AAGAB: variants seen among roughly 807,000 people sequenced by gnomAD.
The protein encoded by AAGAB is alpha and gamma adaptin binding protein, also known as alpha- and gamma-adaptin-binding protein p34.
Under a neutral mutation model 44.1 loss-of-function variants are expected in AAGAB, and 38 were observed. That is an observed-to-expected ratio of 0.86 (90% CI 0.67 to 1.13). The LOEUF (loss-of-function observed/expected upper bound fraction) is 1.13, where lower values mean the gene tolerates loss of function less well. AAGAB is among the 50% of genes most tolerant of loss of function. The pLI is 0.00. For synonymous variants in AAGAB, 131 were observed against 131.8 expected (o/e 0.99, Z 0.04); for missense variants, 450 against 373.8 (o/e 1.20, Z -1.68).
chr15:67,214,387 T>C (rs1237458030), intron 5 of AAGAB, among the ~76,000 whole-genome samples: 2 of 152,218 alleles, frequency 1.3e-5, no homozygotes, highest in Admixed American at 1.3e-4. Flanking sequence ...CATTATCTCT[T>C]CACTGTTCCT....
At position 67,202,291 on chromosome 15, in the gene AAGAB, A is replaced by G. The variant is rs180974059; in HGVS notation, c.*530T>C. 3 of 153,450 alleles carry G rather than the reference A, an allele frequency of 2.0e-5. No individual in the cohort carries two copies. The highest frequency in any genetic ancestry group is 7.2e-5 in the African/African-American group (3 of 41,586). 9.5% of individuals were successfully genotyped at this position (153,450 alleles called of 1,614,324 possible). A position where few individuals can be genotyped will look rare whatever the true frequency, so the allele number is the denominator to read the frequency against. On this transcript the variant is annotated 3_prime_UTR_variant, in exon 10 of 10. Coordinates refer to ENST00000261880, the MANE Select transcript of AAGAB (RefSeq NM_024666.5). ...CCCAGAGGCATTTTCTTAGGTAGAGACTTAGCTGCGGGCTGAGACTTCGGC... is the reference window on the plus strand; with the variant it reads ...CCCAGAGGCATTTTCTTAGGTAGAGGCTTAGCTGCGGGCTGAGACTTCGGC...
At chr15:67,214,545 T>G (rs1455069180) in intron 5 of AAGAB, among the ~76,000 whole-genome samples, 1 of 152,174 alleles carries the variant, frequency 6.6e-6, no homozygotes, top group Non-Finnish European at 1.5e-5. Context: ...CTGCCAAATG[T>G]CCCCTGGGGG....
intron 5 of AAGAB, among the ~76,000 whole-genome samples, chr15:67,229,432 T>TAA (rs756230077): frequency 5.0e-5 from 5 of 99,690 alleles, no homozygotes; most frequent in Admixed American, 1.1e-4. Flanking sequence ...GAGTCCGTCT[T>TAA]AAAAAAAAAA....
chr15:67,203,418 G>T, intron 9 of AAGAB, 130 bp downstream of exon 9: 1 of 800,296 alleles, frequency 1.2e-6, no homozygotes, highest in Non-Finnish European at 2.0e-6. Flanking sequence ...TATTTAATTA[G>T]TTAGAAGTTA....
At chr15:67,224,438 A>G (rs1964152026) in intron 5 of AAGAB, among the ~76,000 whole-genome samples, 1 of 152,184 alleles carries the variant, frequency 6.6e-6, no homozygotes, top group African/African-American at 2.4e-5. Flanking sequence ...CCTTTGCGAG[A>G]TACTAGACCA....
chr15:67,224,214 A>G (rs1964147729), intron 5 of AAGAB, among the ~76,000 whole-genome samples: 1 of 152,250 alleles, frequency 6.6e-6, no homozygotes. Flanking sequence ...TACTTTGCAC[A>G]GAGCAAGTAC....
intron 1 of AAGAB, 80 bp downstream of exon 1, chr15:67,254,479 C>T (rs1270517685): frequency 6.6e-7 from 1 of 1,509,808 alleles, no homozygotes; most frequent in Non-Finnish European, 8.9e-7. Context: ...GGACAAGGCC[C>T]AGAGAGGCCG....
intron 5 of AAGAB, among the ~76,000 whole-genome samples, chr15:67,227,688 A>G (rs1964235886): frequency 6.6e-6 from 1 of 152,190 alleles, no homozygotes; most frequent in Admixed American, 6.5e-5. Context: ...AGCAGGCTCT[A>G]AAAACAGCAT....
At chr15:67,243,528 G>A (rs1403012366) in intron 1 of AAGAB, among the ~76,000 whole-genome samples, 1 of 152,058 alleles carries the variant, frequency 6.6e-6, no homozygotes, top group Non-Finnish European at 1.5e-5. Context: ...TCACAATAGG[G>A]GGATGCCACT....
intron 1 of AAGAB, among the ~76,000 whole-genome samples, chr15:67,238,153 G>T (rs1254263765): frequency 6.6e-6 from 1 of 151,964 alleles, no homozygotes; most frequent in South Asian, 2.1e-4. Context: ...TTTTATTTTT[G>T]ATATAAAGCA....
rs533123952 is a variant in AAGAB, at chr15:67,210,510, C to T, written c.536-966G>A. Among the ~76,000 whole-genome samples the T allele has an allele frequency of 1.1e-4, 16 of 147,324 alleles. No individual in the cohort carries two copies. In the South Asian group the frequency reaches 1.7e-3, roughly 16 times the overall value. ...CAGGCTAGGCAACAGTGTGAGGCTC[C>T]GTCTCAAAAAAAAAAAAAAGAAAAG... On this transcript the variant is annotated intron_variant, in intron 5 of 9. Transcript: ENST00000261880.
chr15:67,222,940 T>C (rs1247339605), intron 5 of AAGAB, among the ~76,000 whole-genome samples: 1 of 152,206 alleles, frequency 6.6e-6, no homozygotes, highest in Admixed American at 6.5e-5. Flanking sequence ...AGGTCACTAA[T>C]GCTAAATCCA....
At position 67,254,563 on chromosome 15, in the gene AAGAB, G is replaced by T; in HGVS notation, c.69C>A (p.Val23=). The T allele has an allele frequency of 1.2e-6, 2 of 1,608,326 alleles. No individual in the cohort carries two copies. The highest frequency in any genetic ancestry group is 2.2e-5 in the East Asian group (1 of 44,724). ...CCCAGGCGCCTATCTACTCACGTTGGACCAGCTGGTCTCCTGAGAAGACGG... is the reference window on the plus strand; with the variant it reads ...CCCAGGCGCCTATCTACTCACGTTGTACCAGCTGGTCTCCTGAGAAGACGG... ...CSSVFSGDQL[V]QHILGTEDLI... The change falls in exon 1 of 10, where the codon GTC becomes GTA. Residue 23 remains valine (V), a synonymous_variant. Coordinates refer to ENST00000261880, the MANE Select transcript of AAGAB (RefSeq NM_024666.5).
chr15:67,207,711 G>C (rs7171475), intron 7 of AAGAB, among the ~76,000 whole-genome samples: 68,532 of 151,950 alleles, frequency 0.45, 15,921 homozygotes, highest in Non-Finnish European at 0.52. Flanking sequence ...ACTTAGGTTA[G>C]TGCTTCAAGT....
At chr15:67,229,593 G>A (rs1964288160) in intron 5 of AAGAB, among the ~76,000 whole-genome samples, 1 of 152,014 alleles carries the variant, frequency 6.6e-6, no homozygotes, top group Non-Finnish European at 1.5e-5. Flanking sequence ...AAGAAAAAAG[G>A]AGGAAGGAGG....
chr15:67,225,808 T>C (rs188534863), intron 5 of AAGAB, among the ~76,000 whole-genome samples: 172 of 152,326 alleles, frequency 1.1e-3, no homozygotes, highest in Non-Finnish European at 9.6e-4. Context: ...CTTTTTGGCA[T>C]TTATGAATAA....
chr15:67,203,571 G>T lies in AAGAB; in HGVS notation c.847C>A (p.Gln283Lys), dbSNP rs755388097. 6.1e-5 allele frequency: 99 copies of T among 1,613,460 alleles called. No individual in the cohort carries two copies. The highest frequency in any genetic ancestry group is 8.1e-5 in the Non-Finnish European group (96 of 1,179,808). The change falls in exon 9 of 10, where the codon CAA (glutamine) becomes AAA (lysine). Residue 283 changes from glutamine (Q) to lysine (K), a missense_variant. Physicochemically the swap from Gln to Lys is moderately conservative, Grantham distance 53. Transcript: ENST00000261880. ...KDKAATLPHE[Q>K]RKVHAEKVAK... ...ACCTTTTCTGCATGCACTTTTCTTT[G>T]CTCATGAGGAAGCGTCGCAGCCTTG...
In AAGAB at chr15:67,236,189, C is replaced by T; in HGVS notation, c.362-121G>A. 3 of 880,172 alleles carry T rather than the reference C, an allele frequency of 3.4e-6. No homozygotes were observed. The South Asian group carries it at 5.4e-5, about 16-fold the overall frequency. The allele number at this position is 880,172 out of a possible 1,614,324, so 54.5% of individuals were successfully genotyped here. ...AATGTCAATGTTATTCTAAAGGCAT[C>T]TAAAATAATAAAAAGAAAATGACTT... On this transcript the variant is annotated intron_variant, in intron 3 of 9. Transcript: ENST00000261880.
chr15:67,209,430 A>G, intron 6 of AAGAB, 32 bp downstream of exon 6: 1 of 1,548,986 alleles, frequency 6.5e-7, no homozygotes, highest in Non-Finnish European at 8.9e-7. Context: ...TTAAAGCCAA[A>G]GAGGGAAAAA....
Sources: allele counts gnomAD v4.1 joint callset (sites outside exome capture counted in the v4.1 genomes callset), GRCh38; gene constraint gnomAD v4.1.1; transcripts MANE v1.5; gene names NCBI Gene and HGNC (gene_info 2026-07-23, HGNC 2026-07-21).